BANP: variants seen among roughly 807,000 people sequenced by gnomAD.
BANP encodes BTG3 associated nuclear protein.
A neutral mutation model predicts 68.1 loss-of-function variants in BANP; 11 were observed. The observed-to-expected ratio is 0.16, with a 90% confidence interval of 0.10 to 0.27. The LOEUF (loss-of-function observed/expected upper bound fraction) is 0.27. BANP is among the 10% of genes least tolerant of loss of function. The pLI is 1.00. For missense variants in BANP, 504 were observed against 722.7 expected, an observed-to-expected ratio of 0.70 and a Z score of 3.47; for synonymous variants, 329 against 303.2, an observed-to-expected ratio of 1.09 and a Z score of -0.88.
chr16:87,985,565 A>G (rs1196620016), intron 4 of BANP, among the ~76,000 whole-genome samples: 1 of 152,082 alleles, frequency 6.6e-6, no homozygotes, highest in African/African-American at 2.4e-5. Context: ...AATATAATTT[A>G]TGTTTCAAAA....
intron 5 of BANP, among the ~76,000 whole-genome samples, chr16:88,005,850 C>G (rs547057380): frequency 3.0e-4 from 46 of 152,350 alleles, no homozygotes; most frequent in African/African-American, 1.1e-3. Context: ...GATTTTACTC[C>G]TTTTGTGATA....
At chr16:88,052,779 C>G (rs66508972) in intron 11 of BANP, among the ~76,000 whole-genome samples, 28,971 of 151,606 alleles carry the variant, frequency 0.19, 3,467 homozygotes, top group South Asian at 0.28. Flanking sequence ...CCATCATCAT[C>G]ACTAACATAA....
intron 2 of BANP, among the ~76,000 whole-genome samples, chr16:87,975,527 C>T (rs1430165834): frequency 6.6e-6 from 1 of 151,854 alleles, no homozygotes; most frequent in East Asian, 1.9e-4. Context: ...GTGTAATCCC[C>T]TGTGTGCGGC....
chr16:88,068,957 C>G (rs916450201), intron 12 of BANP, among the ~76,000 whole-genome samples: 1 of 152,082 alleles, frequency 6.6e-6, no homozygotes, highest in African/African-American at 2.4e-5. Context: ...CTTTCCTGCC[C>G]CTGTCCGTGC....
rs1014947360 is a variant in BANP, at chr16:88,040,409, G to A, written c.1311+2398G>A. ...GAAGCCCACTCGCCTCGATGTTGTC[G>A]ACTGGGCTAAGAAGCCCCGAGCAGT... On this transcript the variant is annotated intron_variant, in intron 11 of 13. Coordinates refer to ENST00000682872, the MANE Select transcript of BANP (RefSeq NM_001386991.1). Among the ~76,000 whole-genome samples, 14 of 152,082 alleles carry A rather than the reference G, an allele frequency of 9.2e-5. 1 individual carries two copies. The highest frequency in any genetic ancestry group is 7.9e-4 in the Admixed American group (12 of 15,274).
intron 1 of BANP, among the ~76,000 whole-genome samples, chr16:87,952,910 G>T (rs2057261712): frequency 6.6e-6 from 1 of 152,120 alleles, no homozygotes; most frequent in African/African-American, 2.4e-5. Flanking sequence ...GAGTAGCTCG[G>T]ACCACAGACG....
At chr16:88,063,148 G>A (rs1156687265) in intron 11 of BANP, among the ~76,000 whole-genome samples, 1 of 152,236 alleles carries the variant, frequency 6.6e-6, no homozygotes, top group Non-Finnish European at 1.5e-5. Context: ...GCGGCCTTCT[G>A]TGTGACTGTT....
chr16:87,986,345 T>C lies in BANP; in HGVS notation c.362+2086T>C, dbSNP rs577874114. On this transcript the variant is annotated intron_variant, in intron 4 of 13. Transcript: ENST00000682872. ...GAAAAGCGTTGACAAAATTGGTCGT[T>C]AGATTCCACCGCTGACAATGTGTGA... Among the ~76,000 whole-genome samples the C allele has an allele frequency of 1.4e-3, 212 of 152,356 alleles. 1 individual carries two copies. The highest frequency in any genetic ancestry group is 5.0e-3 in the African/African-American group (206 of 41,582).
chr16:88,074,587 G>C (rs923778140), intron 13 of BANP, among the ~76,000 whole-genome samples: 1 of 152,118 alleles, frequency 6.6e-6, no homozygotes, highest in Non-Finnish European at 1.5e-5. Flanking sequence ...GGGCAAGTGA[G>C]TCCCAGCCAG....
intron 6 of BANP, among the ~76,000 whole-genome samples, chr16:88,008,883 C>G (rs1425975972): frequency 1.3e-5 from 2 of 152,184 alleles, no homozygotes; most frequent in Non-Finnish European, 2.9e-5. Flanking sequence ...CAGAGCCATT[C>G]TGTTTTCTCA....
At chr16:87,987,096 T>G (rs1433224584) in intron 4 of BANP, among the ~76,000 whole-genome samples, 2 of 152,220 alleles carry the variant, frequency 1.3e-5, no homozygotes, top group Non-Finnish European at 2.9e-5. Context: ...TGGTTTCCTT[T>G]TTTTTGAGAC....
At chr16:88,034,043 G>T (rs1178005021) in intron 9 of BANP, among the ~76,000 whole-genome samples, 1 of 152,174 alleles carries the variant, frequency 6.6e-6, no homozygotes, top group Non-Finnish European at 1.5e-5. Context: ...TGTCACCAGG[G>T]CTTTCTCCTG....
At chr16:88,032,080 C>G (rs1173301766) in intron 8 of BANP, among the ~76,000 whole-genome samples, 1 of 152,152 alleles carries the variant, frequency 6.6e-6, no homozygotes, top group Non-Finnish European at 1.5e-5. Flanking sequence ...GCTGGGATTA[C>G]AGGCGTGAGC....
At chr16:87,951,578 G>C (rs889973624) in intron 1 of BANP, 63 bp downstream of exon 1, 1 of 151,912 alleles carries the variant, frequency 6.6e-6, no homozygotes, top group Admixed American at 6.6e-5. Context: ...GCGAGAGCGA[G>C]AGCGAGATCT....
At chr16:87,956,575 C>T (rs1055515486) in intron 1 of BANP, 2 of 152,290 alleles carry the variant, frequency 1.3e-5, no homozygotes, top group African/African-American at 4.8e-5. Flanking sequence ...TTCTCAGCTG[C>T]ACCTGGGGCC....
chr16:88,029,365 T>C (rs1598619313), intron 8 of BANP, among the ~76,000 whole-genome samples: 1 of 147,996 alleles, frequency 6.8e-6, no homozygotes, highest in Admixed American at 6.7e-5. Flanking sequence ...ATCCCAGCAC[T>C]TTGGGAGGCC....
At position 87,981,275 on chromosome 16, in the gene BANP, C is replaced by G. The variant is rs990324657; in HGVS notation, c.162+148C>G. 6.0e-6 allele frequency: 4 copies of G among 663,314 alleles called. No homozygotes were observed. In the African/African-American group the frequency reaches 7.2e-5, roughly 12 times the overall value. 41.1% of individuals were successfully genotyped at this position (663,314 alleles called of 1,614,324 possible). On this transcript the variant is annotated intron_variant, in intron 3 of 13. Transcript: ENST00000682872. ...CAAAATCAAGATGCAGGCAGGGTCT[C>G]GCTCCCTCCAAAGGTTCTAGAAGGT... is the stretch of plus-strand genomic sequence containing the variant.
At chr16:87,981,417 T>C (rs2063250736) in intron 3 of BANP, among the ~76,000 whole-genome samples, 1 of 152,200 alleles carries the variant, frequency 6.6e-6, no homozygotes. Flanking sequence ...TCTGTGACTG[T>C]TTCCCCTTCT....
intron 4 of BANP, among the ~76,000 whole-genome samples, chr16:87,986,052 A>G (rs978732456): frequency 6.6e-6 from 1 of 152,130 alleles, no homozygotes; most frequent in South Asian, 2.1e-4. Flanking sequence ...AGACTGTCTC[A>G]CTCACTGAAG....
Sources: allele counts gnomAD v4.1 joint callset (sites outside exome capture counted in the v4.1 genomes callset), GRCh38; gene constraint gnomAD v4.1.1; transcripts MANE v1.5; gene names NCBI Gene and HGNC (gene_info 2026-07-23, HGNC 2026-07-21).